The following ERC2 variants were observed in gnomAD, a reference collection of about 807,000 sequenced individuals.
ERC2 encodes ERC protein 2.
ERC2 carries 42 observed loss-of-function variants against 114.8 expected under a neutral mutation model. That is an observed-to-expected ratio of 0.37 (90% CI 0.29 to 0.47). The LOEUF is 0.47. ERC2 is among the 20% of genes least tolerant of loss of function. The pLI is 0.99. For synonymous variants in ERC2, 454 were observed against 425.5 expected (o/e 1.07, Z -0.82); for missense variants, 939 against 1,150.7 (o/e 0.82, Z 2.66).
chr3:55,841,107 T>C lies in ERC2; in HGVS notation c.2564+47282A>G, dbSNP rs112698824. On this transcript the variant is annotated intron_variant, in intron 14 of 17. Coordinates refer to ENST00000288221, the MANE Select transcript of ERC2 (RefSeq NM_015576.3). ...GTATGCATGAAATATGTATAATTTA[T>C]TGTATGTCAATCATACCTAAATAAA... Among the ~76,000 whole-genome samples the C allele has an allele frequency of 5.2e-3, 786 of 152,340 alleles. 7 individuals carry two copies. Among genetic ancestry groups the C allele is most frequent in the African/African-American group, 0.018 (746 of 41,584 alleles).
intron 17 of ERC2, among the ~76,000 whole-genome samples, chr3:55,543,587 G>C (rs2054545228): frequency 6.6e-6 from 1 of 152,136 alleles, no homozygotes; most frequent in Admixed American, 6.5e-5. Context: ...CAGATGACAT[G>C]GTGTGTGGTC....
At chr3:56,164,045 G>A (rs2082195160) in intron 4 of ERC2, among the ~76,000 whole-genome samples, 2 of 152,004 alleles carry the variant, frequency 1.3e-5, no homozygotes, top group South Asian at 4.1e-4. Flanking sequence ...AGAATCTCTT[G>A]TAAGCCTTAA....
At position 56,007,272 on chromosome 3, in the gene ERC2, C is replaced by T. The variant is rs370188469; in HGVS notation, c.1970G>A (p.Gly657Glu). 3.8e-6 allele frequency: 6 copies of T among 1,596,828 alleles called. No individual in the cohort carries two copies. The highest frequency in any genetic ancestry group is 5.1e-6 in the Non-Finnish European group (6 of 1,170,786). The change falls in exon 10 of 18, where the codon GGG (glycine) becomes GAG (glutamate). Residue 657 changes from glycine to glutamate, a missense_variant. By Grantham distance (98) the Gly-to-Glu change is moderately conservative. Coordinates refer to ENST00000288221, the MANE Select transcript of ERC2 (RefSeq NM_015576.3). ...KEHASSLASA[G>E]LKRDSKLKSL... ...TTTTAATTTGGAATCCCTTTTCAGCCCCGCAGAGGCTAATGAAGATGCATG... is the reference window on the plus strand; with the variant it reads ...TTTTAATTTGGAATCCCTTTTCAGCTCCGCAGAGGCTAATGAAGATGCATG...
chr3:55,693,906 A>G (rs1168102654), intron 16 of ERC2, among the ~76,000 whole-genome samples: 2 of 152,082 alleles, frequency 1.3e-5, no homozygotes, highest in Non-Finnish European at 2.9e-5. Flanking sequence ...ATGGGGTTTC[A>G]GCACATTGGC....
intron 16 of ERC2, among the ~76,000 whole-genome samples, chr3:55,694,390 G>T (rs116061307): frequency 1.6e-3 from 242 of 152,172 alleles, no homozygotes; most frequent in African/African-American, 5.6e-3. Flanking sequence ...TGTGAACATG[G>T]GACAAAGAAT....
intron 17 of ERC2, among the ~76,000 whole-genome samples, chr3:55,614,861 C>T (rs1373334029): frequency 2.0e-5 from 3 of 152,208 alleles, no homozygotes; most frequent in African/African-American, 7.2e-5. Flanking sequence ...AGCCTATGCT[C>T]ATACTATGTT....
At chr3:56,161,236 G>C (rs1009359464) in intron 4 of ERC2, among the ~76,000 whole-genome samples, 3 of 152,160 alleles carry the variant, frequency 2.0e-5, no homozygotes, top group Non-Finnish European at 4.4e-5. Context: ...GCCCTCACAA[G>C]AAGCTGAGCA....
At chr3:56,404,304 T>C (rs1292315763) in intron 2 of ERC2, among the ~76,000 whole-genome samples, 4 of 152,232 alleles carry the variant, frequency 2.6e-5, no homozygotes, top group African/African-American at 9.6e-5. Context: ...CTCATTTTGC[T>C]TTATCTTTTC....
Position 55,545,637 on chromosome 3 carries a change from T to C in ERC2, c.*40-34361A>G, listed in dbSNP as rs143017926. ...AAGCACTCACAGAAAACCTCTGCCC[T>C]CCAGTCAGGAGTTTCTGTGTGTGTC... On this transcript the variant is annotated intron_variant, in intron 17 of 17. Coordinates refer to ENST00000288221, the MANE Select transcript of ERC2 (RefSeq NM_015576.3). Among the ~76,000 whole-genome samples the C allele has an allele frequency of 1.4e-3, 207 of 152,290 alleles. 1 individual carries two copies. The highest frequency in any genetic ancestry group is 4.6e-3 in the African/African-American group (190 of 41,562).
chr3:56,148,971 C>G lies in ERC2; in HGVS notation c.1305+6G>C. 1 of 1,612,820 alleles carries G rather than the reference C, an allele frequency of 6.2e-7. No homozygotes were observed. The highest frequency in any genetic ancestry group is 8.5e-7 in the Non-Finnish European group (1 of 1,179,230). On this transcript the variant is annotated splice_donor_region_variant and intron_variant, in intron 5 of 17. Transcript: ENST00000288221. ...GAACATAAAAGTTTATAACCCTGGA[C>G]CGTACCTTGGTCTTCATAAACTTGG...
intron 2 of ERC2, among the ~76,000 whole-genome samples, chr3:56,349,304 G>A (rs929577417): frequency 2.0e-5 from 3 of 152,086 alleles, no homozygotes; most frequent in Non-Finnish European, 4.4e-5. Context: ...CTCCAAAATG[G>A]AGAAGGCATC....
At chr3:56,393,640 T>C (rs1046693798) in intron 2 of ERC2, among the ~76,000 whole-genome samples, 2 of 152,224 alleles carry the variant, frequency 1.3e-5, no homozygotes, top group Non-Finnish European at 2.9e-5. Context: ...GTATTTATAT[T>C]AGGACAGTTT....
chr3:55,704,336 A>G lies in ERC2; in HGVS notation c.2713-4824T>C, dbSNP rs148241545. 1.6e-3 allele frequency among the ~76,000 whole-genome samples: 245 copies of G among 152,352 alleles called. 1 individual carries two copies. Among genetic ancestry groups the G allele is most frequent in the African/African-American group, 5.4e-3 (223 of 41,578 alleles). ...ATAACAAACTTTGCTTTGATCAGTC[A>G]TCTGGATCAAGTTAACGATAAAACC... On this transcript the variant is annotated intron_variant, in intron 15 of 17. Transcript: ENST00000288221.
intron 2 of ERC2, chr3:56,433,743 A>C (rs1485661725): frequency 6.5e-6 from 1 of 154,506 alleles, no homozygotes; most frequent in Non-Finnish European, 1.4e-5. Context: ...GGTGACTTAC[A>C]TATAGTAGAT....
At chr3:55,823,845 T>C (rs192201008) in intron 14 of ERC2, among the ~76,000 whole-genome samples, 2 of 152,270 alleles carry the variant, frequency 1.3e-5, no homozygotes, top group African/African-American at 4.8e-5. Context: ...ATTGTATTAG[T>C]TTACTTGGGC....
rs146108722 is a variant in ERC2, at chr3:56,452,158, C to A, written c.-141+16090G>T. ...TTCTTGATCAGCACAGCACCATGCC[C>A]ATTGACTTTGAATATCAAGCTGTAC... On this transcript the variant is annotated intron_variant, in intron 1 of 17. Transcript: ENST00000288221. 1.7e-4 allele frequency among the ~76,000 whole-genome samples: 26 copies of A among 152,312 alleles called. No homozygotes were observed. The East Asian group carries it at 5.0e-3, about 29-fold the overall frequency.
intron 2 of ERC2, among the ~76,000 whole-genome samples, chr3:56,424,998 A>G (rs2061511862): frequency 6.6e-6 from 1 of 152,214 alleles, no homozygotes; most frequent in African/African-American, 2.4e-5. Context: ...AGGCCCCACT[A>G]TGACTGATAA....
chr3:55,936,826 T>A (rs2066473110), intron 13 of ERC2, among the ~76,000 whole-genome samples: 1 of 152,150 alleles, frequency 6.6e-6, no homozygotes, highest in Non-Finnish European at 1.5e-5. Context: ...AAAAACAACA[T>A]GACATCATCA....
At chr3:55,919,439 CAG>C (rs2065288067) in intron 13 of ERC2, among the ~76,000 whole-genome samples, 1 of 152,192 alleles carries the variant, frequency 6.6e-6, no homozygotes, top group African/African-American at 2.4e-5. Context: ...GAAAATAAAA[CAG>C]AGCTACAGGT....
Sources: gnomAD v4.1 joint callset for allele counts (sites outside exome capture counted in the v4.1 genomes callset) on GRCh38, gnomAD v4.1.1 for gene constraint, MANE v1.5 for transcripts, NCBI Gene and HGNC (gene_info 2026-07-23, HGNC 2026-07-21) for gene names.